SOBP: variants seen among roughly 807,000 people sequenced by gnomAD.
SOBP encodes sine oculis-binding protein homolog.
Under a neutral mutation model 53.6 loss-of-function variants are expected in SOBP, and 4 were observed. That is an observed-to-expected ratio of 0.07 (90% confidence interval 0.04 to 0.17). The LOEUF is 0.17. Ranked by LOEUF, SOBP falls within the 10% of genes least tolerant of loss-of-function variation. The probability of loss-of-function intolerance (pLI) is 1.00; values close to 1 mark genes in which losing one functional copy is unlikely to be tolerated. For missense variants in SOBP, 1,088 were observed against 1,204.7 expected (o/e 0.90, Z 1.43); for synonymous variants, 584 against 522.6 (o/e 1.12, Z -1.60).
chr6:107,504,902 A>G (rs947596841), intron 2 of SOBP, among the ~76,000 whole-genome samples: 1 of 152,254 alleles, frequency 6.6e-6, no homozygotes, highest in African/African-American at 2.4e-5. Flanking sequence ...CTAATAGCTC[A>G]TATAATACTT....
intron 6 of SOBP, among the ~76,000 whole-genome samples, chr6:107,645,325 A>G (rs1771506756): frequency 6.6e-6 from 1 of 152,194 alleles, no homozygotes; most frequent in South Asian, 2.1e-4. Context: ...TTGCTCATTC[A>G]TAGTTCAGAG....
chr6:107,561,529 G>C (rs1211831089), intron 4 of SOBP, among the ~76,000 whole-genome samples: 1 of 152,136 alleles, frequency 6.6e-6, no homozygotes, highest in African/African-American at 2.4e-5. Context: ...TCTGGGCTTG[G>C]CTGGGCCGGG....
In SOBP at chr6:107,490,674, G is replaced by C; in HGVS notation, c.58G>C (p.Ala20Pro). 5 of 1,608,188 alleles carry C rather than the reference G, an allele frequency of 3.1e-6. No individual in the cohort carries two copies. The highest frequency in any genetic ancestry group is 4.2e-6 in the Non-Finnish European group (5 of 1,177,000). Residue 20 changes from alanine (A) to proline (P), a missense_variant, in exon 1 of 7, where the codon GCT becomes CCT. Ala to Pro is a conservative substitution (Grantham distance 27, BLOSUM62 -1). Transcript: ENST00000317357. ...PPENKRSRKP[A>P]HPVKREINEE... is the part of the protein sequence containing the mutation. ...CGAAAATAAACGGAGCAGGAAGCCG[G>C]CTCACCCAGTGAAAAGGGAGATCAA...
chr6:107,610,795 C>T (rs1265691717), intron 5 of SOBP, among the ~76,000 whole-genome samples: 3 of 119,306 alleles, frequency 2.5e-5, no homozygotes, highest in Non-Finnish European at 4.9e-5. Context: ...TGTGTGCACA[C>T]GCACACACAC....
chr6:107,655,802 G>A (rs538197402), intron 6 of SOBP, among the ~76,000 whole-genome samples: 4 of 152,164 alleles, frequency 2.6e-5, no homozygotes, highest in Non-Finnish European at 5.9e-5. Flanking sequence ...GTAGGCTGAT[G>A]CTGTCCGTGT....
chr6:107,596,922 T>C (rs1414280969), intron 5 of SOBP, among the ~76,000 whole-genome samples: 3 of 152,218 alleles, frequency 2.0e-5, no homozygotes, highest in Non-Finnish European at 4.4e-5. Context: ...CTTTAGAATT[T>C]CATAATCCAC....
intron 6 of SOBP, among the ~76,000 whole-genome samples, chr6:107,637,057 CCTCAG>C (rs1771076706): frequency 6.6e-6 from 1 of 152,114 alleles, no homozygotes; most frequent in African/African-American, 2.4e-5. Flanking sequence ...GTTTTACCCA[CCTCAG>C]TGGGTAAAAC....
intron 3 of SOBP, among the ~76,000 whole-genome samples, chr6:107,526,858 A>G (rs1783679740): frequency 6.6e-6 from 1 of 152,200 alleles, no homozygotes; most frequent in African/African-American, 2.4e-5. Context: ...ATTTATGTAT[A>G]GAATATTTAG....
At chr6:107,645,507 A>T (rs1032140532) in intron 6 of SOBP, among the ~76,000 whole-genome samples, 1 of 143,668 alleles carries the variant, frequency 7.0e-6, no homozygotes, top group Non-Finnish European at 1.5e-5. Flanking sequence ...ACTTGATTTG[A>T]AGAACTAATA....
chr6:107,541,281 A>G (rs1784140121), intron 4 of SOBP, among the ~76,000 whole-genome samples: 1 of 152,238 alleles, frequency 6.6e-6, no homozygotes, highest in African/African-American at 2.4e-5. Flanking sequence ...TGGAAACATT[A>G]TACTGATTTA....
At chr6:107,639,636 A>T (rs1294711323) in intron 6 of SOBP, among the ~76,000 whole-genome samples, 2 of 152,190 alleles carry the variant, frequency 1.3e-5, no homozygotes, top group Non-Finnish European at 2.9e-5. Flanking sequence ...TTATAAATGG[A>T]ATACTCCCTT....
chr6:107,510,907 T>C (rs933505732), intron 3 of SOBP: 3 of 152,212 alleles, frequency 2.0e-5, no homozygotes, highest in African/African-American at 7.2e-5. Flanking sequence ...GTGTATGCTT[T>C]GGATTCCTGT....
At chr6:107,513,102 T>G (rs371383226) in intron 3 of SOBP, among the ~76,000 whole-genome samples, 1 of 152,242 alleles carries the variant, frequency 6.6e-6, no homozygotes. Context: ...AGGAAGAGCC[T>G]GTCCATACGG....
intron 5 of SOBP, among the ~76,000 whole-genome samples, chr6:107,593,573 G>A (rs3924727): frequency 0.19 from 29,210 of 152,074 alleles, 3,650 homozygotes; most frequent in African/African-American, 0.34. Flanking sequence ...TGCACTCTGG[G>A]CAAGTTTCTC....
At chr6:107,558,490 G>A (rs1241271285) in intron 4 of SOBP, among the ~76,000 whole-genome samples, 3 of 151,696 alleles carry the variant, frequency 2.0e-5, no homozygotes, top group Admixed American at 6.6e-5. Context: ...GGCTGGTCTC[G>A]AACTCCTGAC....
intron 5 of SOBP, among the ~76,000 whole-genome samples, chr6:107,596,825 C>T (rs1785962931): frequency 6.6e-6 from 1 of 152,066 alleles, no homozygotes; most frequent in Non-Finnish European, 1.5e-5. Context: ...TGCCCTTATC[C>T]ATCACCACCA....
intron 3 of SOBP, among the ~76,000 whole-genome samples, chr6:107,527,215 T>C (rs985110282): frequency 4.6e-5 from 7 of 152,262 alleles, no homozygotes; most frequent in Non-Finnish European, 1.0e-4. Context: ...ATGTAATAAT[T>C]ACAAAGAATT....
At chr6:107,586,435 G>A (rs1434478481) in intron 4 of SOBP, among the ~76,000 whole-genome samples, 2 of 152,128 alleles carry the variant, frequency 1.3e-5, no homozygotes, top group Non-Finnish European at 2.9e-5. Flanking sequence ...TTCTGTTAAT[G>A]TCTCCATTTA....
chr6:107,630,590 G>A (rs1770663983), intron 5 of SOBP, among the ~76,000 whole-genome samples: 2 of 152,148 alleles, frequency 1.3e-5, no homozygotes, highest in Admixed American at 1.3e-4. Context: ...CTTAAATGAT[G>A]AGTCCTGTAA....
Sources: gnomAD v4.1 joint callset for allele counts (sites outside exome capture counted in the v4.1 genomes callset) on GRCh38, gnomAD v4.1.1 for gene constraint, MANE v1.5 for transcripts, NCBI Gene and HGNC (gene_info 2026-07-23, HGNC 2026-07-21) for gene names.